Variants in RAP1GDS1 observed in about 807,000 individuals in gnomAD.
The protein encoded by RAP1GDS1 is Rap1 GTPase-GDP dissociation stimulator 1.
A neutral mutation model predicts 71.1 loss-of-function variants in RAP1GDS1; 35 were observed. That is an observed-to-expected ratio of 0.49 (90% confidence interval 0.38 to 0.65). The LOEUF is 0.65. RAP1GDS1 is among the 30% of genes least tolerant of loss of function. The probability of loss-of-function intolerance (pLI) is 0.00; values close to 1 mark genes in which losing one functional copy is unlikely to be tolerated. For synonymous variants in RAP1GDS1, 229 were observed against 243.1 expected (o/e 0.94, Z 0.54); for missense variants, 663 against 706.1 (o/e 0.94, Z 0.69).
chr4:98,417,854 T>G (rs1179951864), intron 9 of RAP1GDS1, among the ~76,000 whole-genome samples: 1 of 152,144 alleles, frequency 6.6e-6, no homozygotes, highest in Admixed American at 6.5e-5. Flanking sequence ...TTATTGTGCC[T>G]CAACTTATAT....
chr4:98,277,058 T>G (rs1008379868), intron 1 of RAP1GDS1, among the ~76,000 whole-genome samples: 1 of 152,260 alleles, frequency 6.6e-6, no homozygotes, highest in African/African-American at 2.4e-5. Context: ...ACTCCTATAC[T>G]AGTGTTCTTT....
At chr4:98,411,717 T>G (rs762701979) in intron 7 of RAP1GDS1, among the ~76,000 whole-genome samples, 7 of 152,218 alleles carry the variant, frequency 4.6e-5, no homozygotes, top group Non-Finnish European at 7.4e-5. Flanking sequence ...GCACAATGGA[T>G]AGGATGATAC....
At chr4:98,430,072 C>A (rs1750181359) in intron 12 of RAP1GDS1, among the ~76,000 whole-genome samples, 1 of 151,734 alleles carries the variant, frequency 6.6e-6, no homozygotes, top group African/African-American at 2.4e-5. Context: ...TTCATAGATC[C>A]CCCTTTCCCT....
chr4:98,368,511 T>G (rs1056120493), intron 4 of RAP1GDS1, among the ~76,000 whole-genome samples: 6 of 152,176 alleles, frequency 3.9e-5, no homozygotes, highest in Admixed American at 3.9e-4. Context: ...TGATGAGCAG[T>G]TTTCTTAAAG....
At chr4:98,380,955 A>G (rs1741913273) in intron 5 of RAP1GDS1, among the ~76,000 whole-genome samples, 1 of 151,764 alleles carries the variant, frequency 6.6e-6, no homozygotes, top group African/African-American at 2.4e-5. Context: ...CTTCAAAAGC[A>G]TCACTATTTC....
At chr4:98,364,083 G>C (rs1318691268) in intron 4 of RAP1GDS1, among the ~76,000 whole-genome samples, 2 of 152,042 alleles carry the variant, frequency 1.3e-5, no homozygotes, top group Non-Finnish European at 2.9e-5. Context: ...TTAAGTCTGA[G>C]ATTCTTCATA....
Position 98,400,342 on chromosome 4 carries a change from A to G in RAP1GDS1, c.638-4135A>G, listed in dbSNP as rs141174859. ...TACATGAAGAGGTAAAATGTGATGT[A>G]TATGTATATACACACACACACACAA... On this transcript the variant is annotated intron_variant, in intron 6 of 14. Transcript: ENST00000408927. 1.0e-3 allele frequency among the ~76,000 whole-genome samples: 157 copies of G among 152,200 alleles called. 1 individual carries two copies. The highest frequency in any genetic ancestry group is 1.2e-3 in the Non-Finnish European group (82 of 67,994).
At chr4:98,395,428 A>G (rs1425856346) in intron 6 of RAP1GDS1, among the ~76,000 whole-genome samples, 1 of 152,188 alleles carries the variant, frequency 6.6e-6, no homozygotes, top group African/African-American at 2.4e-5. Context: ...TAAAGTTTCC[A>G]TAATGTATAC....
intron 2 of RAP1GDS1, among the ~76,000 whole-genome samples, chr4:98,325,421 G>T (rs1476379501): frequency 2.1e-4 from 31 of 150,720 alleles, no homozygotes; most frequent in African/African-American, 6.1e-4. Flanking sequence ...CCCATTACTG[G>T]GTATATACCC....
intron 14 of RAP1GDS1, among the ~76,000 whole-genome samples, chr4:98,440,754 G>A (rs1751756964): frequency 6.6e-6 from 1 of 152,152 alleles, no homozygotes; most frequent in African/African-American, 2.4e-5. Flanking sequence ...TTTCGCACTT[G>A]TTGCCCAGGC....
chr4:98,436,027 C>T (rs951002000), intron 13 of RAP1GDS1, among the ~76,000 whole-genome samples: 7 of 151,080 alleles, frequency 4.6e-5, no homozygotes, highest in South Asian at 2.1e-4. Flanking sequence ...GCCGAGATCG[C>T]GCCACTGCAC....
At chr4:98,325,785 G>T (rs954272441) in intron 2 of RAP1GDS1, among the ~76,000 whole-genome samples, 2 of 114,814 alleles carry the variant, frequency 1.7e-5, no homozygotes, top group African/African-American at 6.6e-5. Context: ...GGTGGGGGGA[G>T]GGGGGAGGGA....
chr4:98,359,343 TA>T (rs1170410112), intron 4 of RAP1GDS1, among the ~76,000 whole-genome samples: 1 of 152,072 alleles, frequency 6.6e-6, no homozygotes, highest in Non-Finnish European at 1.5e-5. Context: ...AGGTTGATAT[TA>T]AAATGAGAAA....
chr4:98,280,356 C>T (rs1480627707), intron 1 of RAP1GDS1, among the ~76,000 whole-genome samples: 3 of 152,308 alleles, frequency 2.0e-5, no homozygotes, highest in Admixed American at 6.5e-5. Flanking sequence ...TCTCTGATGA[C>T]TAGTGATGAT....
chr4:98,297,367 G>A (rs79336660), intron 2 of RAP1GDS1, among the ~76,000 whole-genome samples: 3,317 of 152,132 alleles, frequency 0.022, 124 homozygotes, highest in African/African-American at 0.073. Context: ...ACTTTATTGA[G>A]CTTCACAAAT....
At chr4:98,330,431 C>T (rs1223769687) in intron 2 of RAP1GDS1, among the ~76,000 whole-genome samples, 6 of 134,336 alleles carry the variant, frequency 4.5e-5, no homozygotes, top group Admixed American at 1.5e-4. Context: ...CAGATGGGGT[C>T]GCGGCCGGGC....
intron 1 of RAP1GDS1, among the ~76,000 whole-genome samples, chr4:98,264,547 A>C (rs1431646307): frequency 6.6e-6 from 1 of 152,234 alleles, no homozygotes; most frequent in African/African-American, 2.4e-5. Flanking sequence ...TTGGATATCA[A>C]CTGTGCAGTG....
intron 12 of RAP1GDS1, 48 bp from the exon 13 acceptor site, chr4:98,433,888 T>C (rs748054937): frequency 6.5e-7 from 1 of 1,534,116 alleles, no homozygotes; most frequent in Non-Finnish European, 9.0e-7. Context: ...TGCATGTTCC[T>C]TATGTTTAAA....
At chr4:98,332,223 T>C (rs1734115471) in intron 2 of RAP1GDS1, among the ~76,000 whole-genome samples, 1 of 152,192 alleles carries the variant, frequency 6.6e-6, no homozygotes, top group African/African-American at 2.4e-5. Flanking sequence ...CTCTACACCT[T>C]ATTATAGAGG....
Sources: allele counts gnomAD v4.1 joint callset (sites outside exome capture counted in the v4.1 genomes callset), GRCh38; gene constraint gnomAD v4.1.1; transcripts MANE v1.5; gene names NCBI Gene and HGNC (gene_info 2026-07-23, HGNC 2026-07-21).